Variants in OSBPL3 observed in about 807,000 individuals in gnomAD.
OSBPL3 encodes oxysterol binding protein like 3.
In OSBPL3, 65 loss-of-function variants were observed where a neutral mutation model predicts 120.1. The observed-to-expected ratio is 0.54, with a 90% CI of 0.44 to 0.67. OSBPL3 has a LOEUF of 0.67. OSBPL3 is among the 30% of genes least tolerant of loss of function. The pLI is 0.00. For synonymous variants in OSBPL3, 416 were observed against 402.6 expected, an observed-to-expected ratio of 1.03 and a Z score of -0.40; for missense variants, 1,004 against 1,082.1, an observed-to-expected ratio of 0.93 and a Z score of 1.01.
At chr7:24,970,721 A>G (rs559548157) in intron 1 of OSBPL3, among the ~76,000 whole-genome samples, 1 of 152,338 alleles carries the variant, frequency 6.6e-6, no homozygotes, top group Non-Finnish European at 1.5e-5. Flanking sequence ...AGCACCTTGT[A>G]CATAATAAAT....
In OSBPL3 at chr7:24,951,165, A is replaced by G. The variant is rs561497714; in HGVS notation, c.-150+28721T>C. Among the ~76,000 whole-genome samples the G allele has an allele frequency of 5.3e-5, 8 of 152,368 alleles. No individual in the cohort carries two copies. The South Asian group carries it at 1.7e-3, about 32-fold the overall frequency. On this transcript the variant is annotated intron_variant, in intron 1 of 22. Transcript: ENST00000313367. ...ATGGAAAGTAGGAGAAAAGAAACGAAGAAATTTGAGATTATGGAATCAGAC... is the reference window on the plus strand; with the variant it reads ...ATGGAAAGTAGGAGAAAAGAAACGAGGAAATTTGAGATTATGGAATCAGAC...
rs1444182009 is a variant in OSBPL3, at chr7:24,834,731, C to A, written c.1501G>T (p.Val501Phe). The A allele has an allele frequency of 6.2e-7, 1 of 1,606,200 alleles. No individual in the cohort carries two copies. The highest frequency in any genetic ancestry group is 1.3e-5 in the African/African-American group (1 of 74,824). ...LDNERQTLGP[V>F]LDSGREAKSR... ...TTCGCTTCCCGACCACTATCAAGGA[C>A]AGGCCCTGAAAGGGAAAGAGGCCTG... The change falls in exon 15 of 23, where the codon GTC (valine) becomes TTC (phenylalanine). Residue 501 changes from valine to phenylalanine, a missense_variant. Transcript: ENST00000313367. The surrounding 1 kb of genome is among the most constrained non-coding windows in gnomAD (Gnocchi z 5.2).
intron 2 of OSBPL3, among the ~76,000 whole-genome samples, chr7:24,889,240 A>G (rs1211004906): frequency 6.6e-6 from 1 of 152,248 alleles, no homozygotes. Context: ...TAAGTGAAAT[A>G]AACCAAGCAC....
At position 24,866,133 on chromosome 7, in the gene OSBPL3, A is replaced by T. The variant is rs528199090; in HGVS notation, c.486T>A (p.Phe162Leu). The change falls in exon 6 of 23, where the codon TTT (phenylalanine) becomes TTA (leucine). Residue 162 changes from phenylalanine (F) to leucine (L), a missense_variant. This residue lies in a region of OSBPL3 where 255 missense variants were observed against 248.7 expected (regional missense o/e 1.03). Transcript: ENST00000313367. ...AGTCTGTGATGGTGGACCCTGAGAA[A>T]AAGTGGTTAACTTCATGTGGAAACA... Reference protein sequence around the residue: ...IAMFPHEVNHFFSGSTITDSS... With the variant: ...IAMFPHEVNHLFSGSTITDSS... 1 of 1,613,832 alleles carries T rather than the reference A, an allele frequency of 6.2e-7. No individual in the cohort carries two copies. Among genetic ancestry groups the T allele is most frequent in the Non-Finnish European group, 8.5e-7 (1 of 1,179,688 alleles).
chr7:24,839,776 G>A (rs958332835), intron 14 of OSBPL3, among the ~76,000 whole-genome samples: 2 of 151,876 alleles, frequency 1.3e-5, no homozygotes, highest in African/African-American at 2.4e-5. Flanking sequence ...ATCACTTGAC[G>A]TCAGGAGTTC....
chr7:24,858,843 A>G (rs1419633387), intron 10 of OSBPL3, among the ~76,000 whole-genome samples: 1 of 152,218 alleles, frequency 6.6e-6, no homozygotes, highest in African/African-American at 2.4e-5. Flanking sequence ...AGCTTCTTCA[A>G]TGGAGGTGAA....
intron 14 of OSBPL3, among the ~76,000 whole-genome samples, chr7:24,837,205 T>G (rs1291034388): frequency 6.6e-6 from 1 of 152,062 alleles, no homozygotes; most frequent in Non-Finnish European, 1.5e-5. Context: ...TAAAATTAAT[T>G]AATTAAATAT....
chr7:24,808,609 G>A lies in OSBPL3; in HGVS notation c.2317+1198C>T, dbSNP rs769128456. Among the ~76,000 whole-genome samples the A allele has an allele frequency of 3.3e-5, 5 of 152,214 alleles. No individual in the cohort carries two copies. Among genetic ancestry groups the A allele is most frequent in the Admixed American group, 1.3e-4 (2 of 15,284 alleles). On this transcript the variant is annotated intron_variant, in intron 20 of 22. Transcript: ENST00000313367. The surrounding 1 kb of genome is among the most constrained non-coding windows in gnomAD (Gnocchi z 4.6). ...TTCACGGCAACCTCTGCAACAGTGG[G>A]AGATGTGGCAGCTACCCATTGAAAG...
In OSBPL3 at chr7:24,815,097, G is replaced by A. The variant is rs1794310769; in HGVS notation, c.2134C>T (p.His712Tyr). Residue 712 changes from histidine to tyrosine, a missense_variant, in exon 19 of 23, where the codon CAT (histidine) becomes TAT (tyrosine). Transcript: ENST00000313367. This position sits in a 1 kb window ranked among gnomAD's most constrained non-coding sequence, Gnocchi z 5.1. ...HYGEIVIKNL[H>Y]DDSCYCKVNF... ...ACTTTGCAGTAGCAGGAATCATCAT[G>A]CAGGTTCTTGATGACAATCTCTCCA... 1.9e-6 allele frequency: 3 copies of A among 1,613,892 alleles called. No individual in the cohort carries two copies. Among genetic ancestry groups the A allele is most frequent in the Non-Finnish European group, 1.7e-6 (2 of 1,179,738 alleles).
intron 12 of OSBPL3, among the ~76,000 whole-genome samples, chr7:24,847,385 G>C (rs1158520742): frequency 1.3e-5 from 2 of 152,172 alleles, no homozygotes; most frequent in African/African-American, 4.8e-5. Context: ...AAATAGATAA[G>C]GTGACAACTG....
At chr7:24,829,540 A>G (rs2128165978) in intron 16 of OSBPL3, among the ~76,000 whole-genome samples, 1 of 152,320 alleles carries the variant, frequency 6.6e-6, no homozygotes, top group African/African-American at 2.4e-5. Context: ...ATTGATAAAG[A>G]GAGCAGCAAG....
At chr7:24,941,645 T>A (rs1300428007) in intron 1 of OSBPL3, among the ~76,000 whole-genome samples, 1 of 152,198 alleles carries the variant, frequency 6.6e-6, no homozygotes, top group African/African-American at 2.4e-5. Flanking sequence ...GGTGACAGTA[T>A]TCCCACCACT....
At chr7:24,919,339 T>C (rs1810101674) in intron 1 of OSBPL3, among the ~76,000 whole-genome samples, 1 of 152,102 alleles carries the variant, frequency 6.6e-6, no homozygotes, top group Admixed American at 6.6e-5. Context: ...ATTGAGAATG[T>C]AGACATTAAG....
chr7:24,800,184 C>T lies in OSBPL3; in HGVS notation c.2663G>A (p.Ter888=). ...FSKLDHPVLW[*] is the part of the protein sequence containing the mutation. ...ATGTTATCTTTCTTCTTTACTTTTT[C>T]ACCATAAGACAGGATGGTCCAGTTT... Residue 888 remains the stop codon, a stop_retained_variant, in exon 23 of 23, where the codon TGA becomes TAA. Coordinates refer to ENST00000313367, the MANE Select transcript of OSBPL3 (RefSeq NM_015550.4). 3.2e-6 allele frequency: 5 copies of T among 1,563,084 alleles called. No individual in the cohort carries two copies. Among genetic ancestry groups the T allele is most frequent in the Non-Finnish European group, 4.4e-6 (5 of 1,133,872 alleles).
At chr7:24,888,869 T>C (rs773606321) in intron 2 of OSBPL3, among the ~76,000 whole-genome samples, 17 of 152,324 alleles carry the variant, frequency 1.1e-4, no homozygotes, top group Non-Finnish European at 2.4e-4. Context: ...GAAGTACAGA[T>C]ACTCTCAAGG....
At chr7:24,910,321 C>T (rs1046412255) in intron 1 of OSBPL3, among the ~76,000 whole-genome samples, 6 of 152,198 alleles carry the variant, frequency 3.9e-5, no homozygotes, top group African/African-American at 1.4e-4. Context: ...GAGATGAGTC[C>T]ATAGGTCCTA....
rs75952541 is a variant in OSBPL3 at position 24,879,798 on chromosome 7, T to C, written c.97-7729A>G. Among the ~76,000 whole-genome samples, 664 of 152,332 alleles carry C rather than the reference T, an allele frequency of 4.4e-3. 4 individuals are homozygous for C. The highest frequency in any genetic ancestry group is 7.3e-3 in the Non-Finnish European group (499 of 68,024). Reference sequence around the variant, plus strand: ...AATAGCATTAATAAAAACACTTCAATGTACATATGACTATTTCCACGCTGT... The same window carrying C: ...AATAGCATTAATAAAAACACTTCAACGTACATATGACTATTTCCACGCTGT... On this transcript the variant is annotated intron_variant, in intron 2 of 22. Transcript: ENST00000313367. The surrounding 1 kb of genome is among the most constrained non-coding windows in gnomAD (Gnocchi z 5.6).
At chr7:24,859,179 T>C (rs1800193954) in intron 10 of OSBPL3, among the ~76,000 whole-genome samples, 1 of 152,090 alleles carries the variant, frequency 6.6e-6, no homozygotes, top group Non-Finnish European at 1.5e-5. Context: ...GTTTTAAATT[T>C]AGAGGGTAAG....
In OSBPL3 at chr7:24,818,625, T is replaced by G. The variant is rs970660636; in HGVS notation, c.1948+1550A>C. Among the ~76,000 whole-genome samples the G allele has an allele frequency of 6.6e-6, 1 of 152,086 alleles. No individual in the cohort carries two copies. The highest frequency in any genetic ancestry group is 1.5e-5 in the Non-Finnish European group (1 of 68,016). On this transcript the variant is annotated intron_variant, in intron 17 of 22. Coordinates refer to ENST00000313367, the MANE Select transcript of OSBPL3 (RefSeq NM_015550.4). The surrounding 1 kb of genome is among the most constrained non-coding windows in gnomAD (Gnocchi z 4.0). Reference sequence around the variant, plus strand: ...GGAGATGAAAGAGAATGATAGAAATTATTCAATCCAAAAGGCAGAGAAAGA... The same window carrying G: ...GGAGATGAAAGAGAATGATAGAAATGATTCAATCCAAAAGGCAGAGAAAGA...
Sources: allele counts gnomAD v4.1 joint callset (sites outside exome capture counted in the v4.1 genomes callset), GRCh38; gene constraint gnomAD v4.1.1; regional missense constraint gnomAD v4.1.1; non-coding constraint Gnocchi (gnomAD v3.1); transcripts MANE v1.5; gene names NCBI Gene and HGNC (gene_info 2026-07-23, HGNC 2026-07-21).